NLRP14: variants seen among roughly 807,000 people sequenced by gnomAD.
NLRP14 encodes the protein NACHT, LRR and PYD domains-containing protein 14.
Under a neutral mutation model 94.7 loss-of-function variants are expected in NLRP14, and 105 were observed. The ratio of observed to expected loss-of-function variants is 1.11; its 90% CI spans 0.95 to 1.30. The LOEUF is 1.30. Among genes scored for constraint, NLRP14 ranks in the 50% most tolerant of loss-of-function variants. The probability of loss-of-function intolerance (pLI) is 0.00; values close to 1 mark genes in which losing one functional copy is unlikely to be tolerated. For synonymous variants in NLRP14, 508 were observed against 459.9 expected, an observed-to-expected ratio of 1.10 and a Z score of -1.34; for missense variants, 1,362 against 1,254.1, an observed-to-expected ratio of 1.09 and a Z score of -1.30.
intron 10 of NLRP14, 70 bp from the exon 11 acceptor site, chr11:7,070,216 C>T: frequency 8.8e-7 from 1 of 1,131,686 alleles, no homozygotes. Context: ...TCTGAGTTCA[C>T]AGATCTCTTG....
intron 3 of NLRP14, 75 bp downstream of exon 3, chr11:7,039,860 G>A: frequency 8.6e-7 from 1 of 1,157,434 alleles, no homozygotes; most frequent in Non-Finnish European, 1.3e-6. Context: ...TATCTCCCGA[G>A]GACTTTTGTT....
chr11:7,074,974 G>T (rs1852856468), downstream of NLRP14, among the ~76,000 whole-genome samples: 1 of 152,172 alleles, frequency 6.6e-6, no homozygotes, highest in Non-Finnish European at 1.5e-5. Context: ...ATTAATCTTT[G>T]TCTTTTTGGT....
At position 7,043,878 on chromosome 11, in the gene NLRP14, T is replaced by C; in HGVS notation, c.1852T>C (p.Ser618Pro). The C allele has an allele frequency of 6.2e-7, 1 of 1,614,190 alleles. No individual in the cohort carries two copies. The highest frequency in any genetic ancestry group is 8.5e-7 in the Non-Finnish European group (1 of 1,179,996). Residue 618 changes from serine to proline, a missense_variant, in exon 4 of 12, where the codon TCT (serine) becomes CCT (proline). By Grantham distance (74) the Ser-to-Pro change is moderately conservative. Coordinates refer to ENST00000299481, the MANE Select transcript of NLRP14 (RefSeq NM_176822.4). The part of the protein sequence containing the change: ...NICEKIHLLV[S>P]SFCLKHCRCL... ...TTGTGAGAAAATACATTTGCTTGTA[T>C]CTTCTTTCTGCCTTAAGCACTGCCG...
At position 7,042,941 on chromosome 11, in the gene NLRP14, G is replaced by A. The variant is rs1018977763; in HGVS notation, c.915G>A (p.Val305=). ...TGCTCCCTGAGGCATCCTTATTGGT[G>A]ACAACAAGACTCACAACTTCTAAGA... ...KVMLPEASLL[V]TTRLTTSKRL... The change falls in exon 4 of 12, where the codon GTG becomes GTA. Residue 305 remains valine, a synonymous_variant. Transcript: ENST00000299481. The A allele has an allele frequency of 1.9e-6, 3 of 1,613,994 alleles. No individual in the cohort carries two copies. The highest frequency in any genetic ancestry group is 2.7e-5 in the African/African-American group (2 of 75,028).
chr11:7,031,644 G>T (rs902736), intron 1 of NLRP14, among the ~76,000 whole-genome samples: 96,302 of 152,020 alleles, frequency 0.63, 30,816 homozygotes, highest in East Asian at 0.73. Context: ...TTGACGAATG[G>T]AGGCAAGCCC....
In NLRP14 at chr11:7,032,804, C is replaced by G. The variant is rs16921636; in HGVS notation, c.-21-5762C>G. Among the ~76,000 whole-genome samples the G allele has an allele frequency of 8.5e-3, 1,294 of 152,210 alleles. 29 individuals carry two copies. The highest frequency in any genetic ancestry group is 0.049 in the Admixed American group (752 of 15,288). ...TATCATGTCATTTTAGGGATATGAACATTTTCAAGACAATATTTTAGTGTG... is the reference window on the plus strand; with the variant it reads ...TATCATGTCATTTTAGGGATATGAAGATTTTCAAGACAATATTTTAGTGTG... On this transcript the variant is annotated intron_variant, in intron 1 of 11. Transcript: ENST00000299481.
At position 7,060,080 on chromosome 11, in the gene NLRP14, C is replaced by A; in HGVS notation, c.2804+16C>A. ...AGGACTTGGAGTAGGTTTTCTGTTG[C>A]TTTACTTTTGTGTAGTTTCAACAAC... On this transcript the variant is annotated intron_variant, in intron 9 of 11. Coordinates refer to ENST00000299481, the MANE Select transcript of NLRP14 (RefSeq NM_176822.4). 6.2e-7 allele frequency: 1 copy of A among 1,609,244 alleles called. No homozygotes were observed. The highest frequency in any genetic ancestry group is 8.5e-7 in the Non-Finnish European group (1 of 1,175,936).
chr11:7,046,470 G>T lies in NLRP14; in HGVS notation c.1959-198G>T, dbSNP rs7109723. Among the ~76,000 whole-genome samples, 85,732 of 151,910 alleles carry T rather than the reference G, an allele frequency of 0.56. 24,957 individuals carry two copies. The highest frequency in any genetic ancestry group is 0.73 in the East Asian group (3,778 of 5,164). ...TGTTGAAGGGAGTGGATGGGAAACG[G>T]GAGAGCTATTGGACAAATAAGACCT... On this transcript the variant is annotated intron_variant, in intron 4 of 11. Coordinates refer to ENST00000299481, the MANE Select transcript of NLRP14 (RefSeq NM_176822.4).
chr11:7,026,093 G>A (rs915355075), intron 1 of NLRP14, among the ~76,000 whole-genome samples: 9 of 152,170 alleles, frequency 5.9e-5, no homozygotes, highest in Non-Finnish European at 1.3e-4. Flanking sequence ...GCATAGGCAT[G>A]GGCAAGGACT....
intron 5 of NLRP14, among the ~76,000 whole-genome samples, chr11:7,048,582 G>C (rs1852394748): frequency 1.3e-5 from 2 of 152,074 alleles, no homozygotes; most frequent in Non-Finnish European, 2.9e-5. Flanking sequence ...AGTGAGTTCT[G>C]ACCTTAGATT....
chr11:7,027,305 C>T (rs74476370), intron 1 of NLRP14, among the ~76,000 whole-genome samples: 1,531 of 151,996 alleles, frequency 0.01, 21 homozygotes, highest in African/African-American at 0.033. Context: ...ATGACAGAAA[C>T]TCACAGTTCT....
chr11:7,082,946 T>A, the NLRP14 span, among the ~76,000 whole-genome samples: 1 of 152,224 alleles, frequency 6.6e-6, no homozygotes, highest in South Asian at 2.1e-4. Context: ...GACATAAAGT[T>A]TAGAATAGAG....
chr11:7,081,249 C>T, the NLRP14 span, among the ~76,000 whole-genome samples: 1 of 151,892 alleles, frequency 6.6e-6, no homozygotes, highest in Non-Finnish European at 1.5e-5. Context: ...TGGTGATGCT[C>T]CTGCTCTGTC....
chr11:7,078,763 G>C, the NLRP14 span, among the ~76,000 whole-genome samples: 1 of 152,118 alleles, frequency 6.6e-6, no homozygotes, highest in Admixed American at 6.5e-5. Flanking sequence ...ACTCCAGCCT[G>C]GGTGACAAGA....
At chr11:7,026,110 C>A (rs1852010946) in intron 1 of NLRP14, among the ~76,000 whole-genome samples, 1 of 152,118 alleles carries the variant, frequency 6.6e-6, no homozygotes, top group Non-Finnish European at 1.5e-5. Context: ...GACTTCATGT[C>A]TAAAACACCA....
chr11:7,049,459 A>G (rs1345646029), intron 5 of NLRP14, among the ~76,000 whole-genome samples: 1 of 152,164 alleles, frequency 6.6e-6, no homozygotes, highest in Non-Finnish European at 1.5e-5. Context: ...TCATGATGTT[A>G]TCACCTTCTT....
At chr11:7,033,624 T>C (rs1236035621) in intron 1 of NLRP14, among the ~76,000 whole-genome samples, 1 of 152,256 alleles carries the variant, frequency 6.6e-6, no homozygotes, top group Non-Finnish European at 1.5e-5. Flanking sequence ...TTTATTAATT[T>C]ACACTTCAGT....
chr11:7,061,634 G>A (rs1281024112), intron 9 of NLRP14, among the ~76,000 whole-genome samples: 3 of 151,970 alleles, frequency 2.0e-5, no homozygotes, highest in Admixed American at 6.6e-5. Context: ...TATTCCATAC[G>A]TTGTTATAAG....
chr11:7,051,711 C>T (rs1247258710), intron 6 of NLRP14, among the ~76,000 whole-genome samples: 1 of 152,166 alleles, frequency 6.6e-6, no homozygotes, highest in Non-Finnish European at 1.5e-5. Flanking sequence ...CCACCTCTGC[C>T]TCCTGGGTTC....
Sources: gnomAD v4.1 joint callset for allele counts (sites outside exome capture counted in the v4.1 genomes callset) on GRCh38, gnomAD v4.1.1 for gene constraint, MANE v1.5 for transcripts, NCBI Gene and HGNC (gene_info 2026-07-23, HGNC 2026-07-21) for gene names.